The following C8orf34 variants were observed in gnomAD, a reference collection of about 807,000 sequenced individuals.
The protein encoded by C8orf34 is uncharacterized protein C8orf34.
Under a neutral mutation model 68.3 loss-of-function variants are expected in C8orf34, and 65 were observed. The observed-to-expected ratio is 0.95, with a 90% CI of 0.78 to 1.17. C8orf34 has a LOEUF of 1.17. Among genes scored for constraint, C8orf34 ranks in the 50% most tolerant of loss-of-function variants. The probability of loss-of-function intolerance (pLI) is 0.00; values close to 1 mark genes in which losing one functional copy is unlikely to be tolerated. For missense variants in C8orf34, 664 were observed against 655.4 expected, an observed-to-expected ratio of 1.01 and a Z score of -0.14; for synonymous variants, 244 against 241.2, an observed-to-expected ratio of 1.01 and a Z score of -0.11.
chr8:68,494,486 T>G (rs1813439698), intron 5 of C8orf34, among the ~76,000 whole-genome samples: 1 of 152,162 alleles, frequency 6.6e-6, no homozygotes, highest in Non-Finnish European at 1.5e-5. Flanking sequence ...ATAAATAAAC[T>G]TAACATAGTT....
chr8:68,334,847 C>T (rs1805778205), intron 1 of C8orf34, among the ~76,000 whole-genome samples: 1 of 152,156 alleles, frequency 6.6e-6, no homozygotes, highest in Non-Finnish European at 1.5e-5. Context: ...ACTTATCAAA[C>T]TTATGATCAA....
At chr8:68,681,595 A>C (rs1180734587) in intron 8 of C8orf34, among the ~76,000 whole-genome samples, 1 of 152,208 alleles carries the variant, frequency 6.6e-6, no homozygotes, top group Non-Finnish European at 1.5e-5. Flanking sequence ...TATGGAGAAC[A>C]GTTTGGAAGT....
intron 8 of C8orf34, among the ~76,000 whole-genome samples, chr8:68,694,149 C>T (rs542067080): frequency 1.3e-5 from 2 of 151,860 alleles, no homozygotes; most frequent in African/African-American, 2.4e-5. Context: ...AATAGGAGGG[C>T]GATTGATCCA....
chr8:68,633,459 T>G (rs1252868766), intron 7 of C8orf34, among the ~76,000 whole-genome samples: 2 of 152,240 alleles, frequency 1.3e-5, no homozygotes, highest in Non-Finnish European at 2.9e-5. Flanking sequence ...TCTCACTTAC[T>G]AGACAGTTCA....
At chr8:68,787,341 G>A in intron 11 of C8orf34, 102 bp from the exon 12 acceptor site, 1 of 655,706 alleles carries the variant, frequency 1.5e-6, no homozygotes. Flanking sequence ...TTATTCTGAT[G>A]GTTTTTGAAG....
At chr8:68,428,689 G>A (rs1810330067) in intron 1 of C8orf34, among the ~76,000 whole-genome samples, 1 of 152,068 alleles carries the variant, frequency 6.6e-6, no homozygotes. Context: ...TTTTCCTCAA[G>A]GTACCAGAAT....
chr8:68,700,638 C>T (rs550498197), intron 8 of C8orf34, among the ~76,000 whole-genome samples: 1 of 152,044 alleles, frequency 6.6e-6, no homozygotes, highest in Non-Finnish European at 1.5e-5. Flanking sequence ...TGGTGTCTGG[C>T]TTCAGGAAGC....
chr8:68,669,336 C>G (rs764047379), intron 8 of C8orf34, among the ~76,000 whole-genome samples: 1 of 152,178 alleles, frequency 6.6e-6, no homozygotes, highest in Admixed American at 6.5e-5. Context: ...GAACTCAAAG[C>G]TGCTCTAAAA....
At chr8:68,626,658 A>C (rs1818545719) in intron 7 of C8orf34, among the ~76,000 whole-genome samples, 1 of 152,238 alleles carries the variant, frequency 6.6e-6, no homozygotes, top group African/African-American at 2.4e-5. Context: ...TTTATGGCCA[A>C]AATGCATGAG....
chr8:68,630,920 C>T (rs1020660897), intron 7 of C8orf34, among the ~76,000 whole-genome samples: 4 of 148,800 alleles, frequency 2.7e-5, no homozygotes, highest in Admixed American at 6.8e-5. Flanking sequence ...GCTGGGACCA[C>T]AGGCATGCCC....
intron 10 of C8orf34, among the ~76,000 whole-genome samples, chr8:68,772,901 T>C (rs1024704913): frequency 2.6e-5 from 4 of 151,564 alleles, no homozygotes; most frequent in African/African-American, 9.7e-5. Flanking sequence ...CTTTCTTTTT[T>C]TTCTAAGACA....
chr8:68,488,727 G>C (rs763755442), intron 5 of C8orf34, among the ~76,000 whole-genome samples: 3 of 152,112 alleles, frequency 2.0e-5, no homozygotes, highest in Non-Finnish European at 2.9e-5. Context: ...AACATTAAGA[G>C]TTCTCATTTA....
intron 3 of C8orf34, among the ~76,000 whole-genome samples, chr8:68,452,007 G>A (rs553816675): frequency 1.2e-4 from 19 of 152,022 alleles, no homozygotes; most frequent in Non-Finnish European, 1.9e-4. Flanking sequence ...TACTTAGCAT[G>A]TTTTTGTGGT....
chr8:68,637,587 G>T (rs959295759), intron 7 of C8orf34, among the ~76,000 whole-genome samples: 7 of 152,132 alleles, frequency 4.6e-5, no homozygotes. Context: ...TTGGATCAAG[G>T]CTGTTCATTA....
chr8:68,816,103 A>AGTGTGTGT (rs200556315), intron 13 of C8orf34, among the ~76,000 whole-genome samples, 158 bp downstream of exon 13: 56 of 104,676 alleles, frequency 5.3e-4, no homozygotes, highest in African/African-American at 2.2e-3. Flanking sequence ...AGATTTCCTA[A>AGTGTGTGT]GAGTGTGTGT....
intron 3 of C8orf34, among the ~76,000 whole-genome samples, chr8:68,448,311 GC>G (rs1811204741): frequency 6.6e-6 from 1 of 151,928 alleles, no homozygotes; most frequent in Admixed American, 6.6e-5. Flanking sequence ...CTGTTACCAA[GC>G]TTTTTAAAGC....
At chr8:68,673,377 G>C (rs551757901) in intron 8 of C8orf34, among the ~76,000 whole-genome samples, 3 of 152,048 alleles carry the variant, frequency 2.0e-5, no homozygotes, top group Admixed American at 1.3e-4. Flanking sequence ...TGGCATTTCT[G>C]GACCTGCCTG....
chr8:68,497,528 A>T (rs1304100291), intron 5 of C8orf34, among the ~76,000 whole-genome samples: 2 of 152,180 alleles, frequency 1.3e-5, no homozygotes, highest in East Asian at 3.9e-4. Flanking sequence ...CCAAAGACAC[A>T]CTAGCAAAAA....
Position 68,569,805 on chromosome 8 carries a change from C to G in C8orf34, c.1105+36656C>G, listed in dbSNP as rs1816708817. ...AAACATACTACGTTTACCTCAGCTTCTAAAATTGCCTTGAGGACAAATACT... is the reference window on the plus strand; with the variant it reads ...AAACATACTACGTTTACCTCAGCTTGTAAAATTGCCTTGAGGACAAATACT... On this transcript the variant is annotated intron_variant, in intron 7 of 13. Transcript: ENST00000518698. 2.6e-5 allele frequency among the ~76,000 whole-genome samples: 4 copies of G among 152,336 alleles called. No individual in the cohort carries two copies. The South Asian group carries it at 8.3e-4, about 32-fold the overall frequency.
Sources: gnomAD v4.1 joint callset for allele counts (sites outside exome capture counted in the v4.1 genomes callset) on GRCh38, gnomAD v4.1.1 for gene constraint, MANE v1.5 for transcripts, NCBI Gene and HGNC (gene_info 2026-07-23, HGNC 2026-07-21) for gene names.